ANKMY1: variants seen among roughly 807,000 people sequenced by gnomAD.
ANKMY1 encodes ankyrin repeat and MYND domain-containing protein 1.
A neutral mutation model predicts 102.0 loss-of-function variants in ANKMY1; 98 were observed. The ratio of observed to expected loss-of-function variants is 0.96; its 90% CI spans 0.82 to 1.14. The LOEUF is 1.14. Ranked by LOEUF, ANKMY1 falls within the 50% of genes most tolerant of loss-of-function variation. The pLI is 0.00. For missense variants in ANKMY1, 1,330 were observed against 1,347.6 expected, an observed-to-expected ratio of 0.99 and a Z score of 0.20; for synonymous variants, 582 against 559.9, an observed-to-expected ratio of 1.04 and a Z score of -0.56.
chr2:240,528,242 C>T lies in ANKMY1; in HGVS notation c.953+795G>A, dbSNP rs374213396. Among the ~76,000 whole-genome samples the T allele has an allele frequency of 4.9e-4, 74 of 152,080 alleles. 1 individual carries two copies. In the South Asian group the frequency reaches 1.0e-2, roughly 21 times the overall value. On this transcript the variant is annotated intron_variant, in intron 5 of 17. Transcript: ENST00000401804. Reference sequence around the variant, plus strand: ...CGGAGGTTGCAGTGAGCCAAGATCACGCCACGGCACTCCAGCCTCGGTGAC... The same window carrying T: ...CGGAGGTTGCAGTGAGCCAAGATCATGCCACGGCACTCCAGCCTCGGTGAC...
rs1030176296 is a variant in ANKMY1, at chr2:240,529,681, G to A, written c.481-172C>T. ...GGCTGTGCCGCCCAGGGACCGAGGC[G>A]GACCAGCTCTCCCGAGGAACAGGAA... On this transcript the variant is annotated intron_variant, in intron 4 of 17. Coordinates refer to ENST00000401804, the MANE Select transcript of ANKMY1 (RefSeq NM_001282771.3). The surrounding 1 kb of genome is among the most constrained non-coding windows in gnomAD (Gnocchi z 4.2). 1.1e-4 allele frequency among the ~76,000 whole-genome samples: 16 copies of A among 152,198 alleles called. No individual in the cohort carries two copies. The highest frequency in any genetic ancestry group is 1.9e-4 in the Non-Finnish European group (13 of 68,046).
At chr2:240,530,242 G>T (rs1196051051) in intron 4 of ANKMY1, among the ~76,000 whole-genome samples, 1 of 152,194 alleles carries the variant, frequency 6.6e-6, no homozygotes, top group Non-Finnish European at 1.5e-5. Flanking sequence ...GCCCAGGGGA[G>T]GCGCATCTTC....
intron 4 of ANKMY1, among the ~76,000 whole-genome samples, chr2:240,551,821 A>T (rs2091578902): frequency 6.6e-6 from 1 of 152,228 alleles, no homozygotes; most frequent in African/African-American, 2.4e-5. Flanking sequence ...AATCCTACAG[A>T]GAGTTGTTTC....
In ANKMY1 at chr2:240,529,412, T is replaced by C. The variant is rs1000046757; in HGVS notation, c.578A>G (p.Lys193Arg). 9 of 1,613,978 alleles carry C rather than the reference T, an allele frequency of 5.6e-6. No individual in the cohort carries two copies. The African/African-American group carries it at 9.3e-5, about 17-fold the overall frequency. Reference protein sequence around the residue: ...VGLWFREQLIKLCTQIPSGFS... With the variant: ...VGLWFREQLIRLCTQIPSGFS... ...GCCACTGGGGATCTGGGTGCACAGCTTGATGAGCTGCTCTCGGAACCACAG... is the reference window on the plus strand; with the variant it reads ...GCCACTGGGGATCTGGGTGCACAGCCTGATGAGCTGCTCTCGGAACCACAG... The change falls in exon 5 of 18, where the codon AAG (lysine) becomes AGG (arginine). Residue 193 changes from lysine to arginine, a missense_variant. Transcript: ENST00000401804. The surrounding 1 kb of genome is among the most constrained non-coding windows in gnomAD (Gnocchi z 4.2).
In ANKMY1 at chr2:240,500,020, C is replaced by T. The variant is rs149855626; in HGVS notation, c.2744G>A (p.Arg915Gln). ...RLLEYMGLQL[R>Q]QAVFAKESQW... Reference sequence around the variant, plus strand: ...GCTCTCCTTGGCAAAGACAGCCTGCCGTAGCTGCAAGCCCATGTACTCCAG... The same window carrying T: ...GCTCTCCTTGGCAAAGACAGCCTGCTGTAGCTGCAAGCCCATGTACTCCAG... Residue 915 changes from arginine to glutamine, a missense_variant, in exon 15 of 18, where the codon CGG becomes CAG. Transcript: ENST00000401804. 10 of 1,613,076 alleles carry T rather than the reference C, an allele frequency of 6.2e-6. No individual in the cohort carries two copies. In the East Asian group the frequency reaches 8.9e-5, roughly 14 times the overall value.
rs1013367363 is a variant in ANKMY1 at position 240,520,314 on chromosome 2, C to A, written c.2004+48G>T. ...AGCGAGGAGCTTCCCGGCCAGTGCC[C>A]GGGAGTCTGCTGCGCTCGTCCCGGC... On this transcript the variant is annotated intron_variant, in intron 9 of 17. Transcript: ENST00000401804. The surrounding 1 kb of genome is among the most constrained non-coding windows in gnomAD (Gnocchi z 4.8). 6.7e-7 allele frequency: 1 copy of A among 1,499,698 alleles called. No homozygotes were observed. The highest frequency in any genetic ancestry group is 8.9e-7 in the Non-Finnish European group (1 of 1,118,466). The allele number at this position is 1,499,698 out of a possible 1,614,324, so 92.9% of individuals were successfully genotyped here.
intron 6 of ANKMY1, 105 bp downstream of exon 6, chr2:240,526,124 T>A (rs775714357): frequency 4.4e-6 from 6 of 1,357,936 alleles, no homozygotes; most frequent in South Asian, 1.2e-5. Context: ...TGTCCCCATG[T>A]ACCTCAGCTC....
rs1484998430 is a variant in ANKMY1, at chr2:240,479,652, G to A, written c.3050C>T (p.Thr1017Ile). Residue 1017 changes from threonine (T) to isoleucine (I), a missense_variant, in exon 18 of 18, where the codon ACA (threonine) becomes ATA (isoleucine). Physicochemically the swap from Thr to Ile is moderately conservative, Grantham distance 89. Coordinates refer to ENST00000401804, the MANE Select transcript of ANKMY1 (RefSeq NM_001282771.3). ...CCTCCTGGAAACTTGCTCCAGTTGT[G>A]TCACTGGAGGAGGAAAAGGTGTGGG... is the stretch of plus-strand genomic sequence containing the variant. ...KDCGDLVAIV[T>I]QLEQVSRRRE... 2 of 1,613,562 alleles carry A rather than the reference G, an allele frequency of 1.2e-6. No homozygotes were observed. The highest frequency in any genetic ancestry group is 8.5e-7 in the Non-Finnish European group (1 of 1,179,952).
Position 240,512,002 on chromosome 2 carries a change from C to A in ANKMY1, c.2146-1G>T. The stretch of plus-strand genomic sequence containing the variant: ...TCAGACTTGAGGGCAGCAGGTCCAG[C>A]TGTGTAAAACGGAGGGCTCCGCCAG... On this transcript the variant is annotated splice_acceptor_variant, in intron 10 of 17. Coordinates refer to ENST00000401804, the MANE Select transcript of ANKMY1 (RefSeq NM_001282771.3). LOFTEE classifies it high-confidence loss of function. 2 of 1,538,384 alleles carry A rather than the reference C, an allele frequency of 1.3e-6. No individual in the cohort carries two copies. The highest frequency in any genetic ancestry group is 2.4e-5 in the South Asian group (2 of 82,490).
intron 4 of ANKMY1, among the ~76,000 whole-genome samples, chr2:240,542,942 T>A (rs1357569397): frequency 2.0e-5 from 3 of 150,692 alleles, no homozygotes; most frequent in Non-Finnish European, 3.0e-5. Context: ...TACTTATAAT[T>A]ACTTAATAAA....
At chr2:240,473,311 T>G in the ANKMY1 span, among the ~76,000 whole-genome samples, 44 of 129,732 alleles carry the variant, frequency 3.4e-4, no homozygotes, top group Admixed American at 2.2e-3. Flanking sequence ...AAATGTAAAG[T>G]TTAATAGAAA....
chr2:240,542,490 C>T (rs997615860), intron 4 of ANKMY1, among the ~76,000 whole-genome samples: 9 of 150,514 alleles, frequency 6.0e-5, no homozygotes, highest in Admixed American at 1.3e-4. Context: ...GGCAACAGAC[C>T]GAGACTCCGT....
intron 4 of ANKMY1, among the ~76,000 whole-genome samples, chr2:240,534,228 C>T (rs749894330): frequency 2.6e-5 from 4 of 152,366 alleles, no homozygotes; most frequent in Non-Finnish European, 4.4e-5. Context: ...CATGCATCCT[C>T]GCCTAGAAGG....
chr2:240,469,818 A>G, the ANKMY1 span, among the ~76,000 whole-genome samples: 1 of 152,138 alleles, frequency 6.6e-6, no homozygotes, highest in Non-Finnish European at 1.5e-5. Context: ...ATGTACACAC[A>G]TGCACACACA....
At chr2:240,505,710 A>C (rs1011179411) in intron 13 of ANKMY1, among the ~76,000 whole-genome samples, 1 of 152,152 alleles carries the variant, frequency 6.6e-6, no homozygotes, top group Admixed American at 6.5e-5. Context: ...CTTTTCTGTG[A>C]GTCTGAAAAG....
chr2:240,497,607 T>C (rs1279725814), intron 15 of ANKMY1, among the ~76,000 whole-genome samples: 1 of 152,246 alleles, frequency 6.6e-6, no homozygotes, highest in African/African-American at 2.4e-5. Context: ...AGGCTTCTCC[T>C]GTCTCTCTTT....
At position 240,525,158 on chromosome 2, in the gene ANKMY1, T is replaced by C. The variant is rs138672746; in HGVS notation, c.1335+527A>G. On this transcript the variant is annotated intron_variant, in intron 7 of 17. Transcript: ENST00000401804. Reference sequence around the variant, plus strand: ...ATTGTTACATTTCTTTCCTGCTACATAAACTCCCAGTGTTAGTCAGTCAGG... The same window carrying C: ...ATTGTTACATTTCTTTCCTGCTACACAAACTCCCAGTGTTAGTCAGTCAGG... Among the ~76,000 whole-genome samples, 401 of 152,358 alleles carry C rather than the reference T, an allele frequency of 2.6e-3. 2 individuals are homozygous for C. Among genetic ancestry groups the C allele is most frequent in the African/African-American group, 9.2e-3 (383 of 41,580 alleles).
At chr2:240,527,492 A>AT (rs2083881722) in intron 5 of ANKMY1, 4 of 12,422 alleles carry the variant, frequency 3.2e-4, no homozygotes, top group Admixed American at 7.3e-4. Flanking sequence ...TGATGGATGA[A>AT]GGGGTTGGTG....
At chr2:240,518,090 C>T (rs1042529418) in intron 9 of ANKMY1, among the ~76,000 whole-genome samples, 3 of 152,044 alleles carry the variant, frequency 2.0e-5, no homozygotes, top group South Asian at 2.1e-4. Flanking sequence ...GAGGAATTGA[C>T]GAATGGGGGG....
Sources: gnomAD v4.1 joint callset for allele counts (sites outside exome capture counted in the v4.1 genomes callset) on GRCh38, gnomAD v4.1.1 for gene constraint, Gnocchi (gnomAD v3.1) non-coding constraint, MANE v1.5 for transcripts, NCBI Gene and HGNC (gene_info 2026-07-23, HGNC 2026-07-21) for gene names.